SLC13A1: variants seen among roughly 807,000 people sequenced by gnomAD.
SLC13A1 encodes the protein Na(+)/sulfate cotransporter.
Under a neutral mutation model 70.0 loss-of-function variants are expected in SLC13A1, and 65 were observed. The ratio of observed to expected loss-of-function variants is 0.93; its 90% CI spans 0.76 to 1.14. The LOEUF is 1.14. SLC13A1 is among the 50% of genes most tolerant of loss of function. SLC13A1 has a pLI of 0.00. For missense variants in SLC13A1, 726 were observed against 717.8 expected, an observed-to-expected ratio of 1.01 and a Z score of -0.13; for synonymous variants, 275 against 250.5, an observed-to-expected ratio of 1.10 and a Z score of -0.92.
intron 6 of SLC13A1, among the ~76,000 whole-genome samples, chr7:123,165,339 C>T (rs1334661858): frequency 6.6e-6 from 1 of 152,054 alleles, no homozygotes; most frequent in Non-Finnish European, 1.5e-5. Flanking sequence ...CATTCAAAAG[C>T]CTCGCTTTCC....
At chr7:123,116,028 T>G (rs1358127967) in intron 14 of SLC13A1, among the ~76,000 whole-genome samples, 1 of 152,234 alleles carries the variant, frequency 6.6e-6, no homozygotes, top group Non-Finnish European at 1.5e-5. Flanking sequence ...CCCTTAGAAA[T>G]CTGCCATTTC....
chr7:123,199,905 G>C lies in SLC13A1; in HGVS notation c.42C>G (p.Leu14=), dbSNP rs564089625. 6.2e-7 allele frequency: 1 copy of C among 1,613,154 alleles called. No homozygotes were observed. Among genetic ancestry groups the C allele is most frequent in the South Asian group, 1.1e-5 (1 of 91,054 alleles). Residue 14 remains leucine, a synonymous_variant, in exon 1 of 15, where the codon CTC becomes CTG. Transcript: ENST00000194130. ...FSYILVYRRF[L]FVVFTVLVLL... ...AAACCAACACAGTGAAAACCACGAAGAGAAATCGGCGATAAACCAGAATGT... is the reference window on the plus strand; with the variant it reads ...AAACCAACACAGTGAAAACCACGAACAGAAATCGGCGATAAACCAGAATGT...
At chr7:123,156,456 T>A (rs1794719288) in intron 6 of SLC13A1, among the ~76,000 whole-genome samples, 1 of 152,100 alleles carries the variant, frequency 6.6e-6, no homozygotes, top group Non-Finnish European at 1.5e-5. Flanking sequence ...GTGGTCCATA[T>A]GTTGGTAGAT....
intron 14 of SLC13A1, 118 bp downstream of exon 14, chr7:123,117,353 G>T (rs1239933150): frequency 2.0e-6 from 2 of 1,004,432 alleles, no homozygotes; most frequent in African/African-American, 1.6e-5. Context: ...TTCATAAACA[G>T]AATTCAGGCC....
At chr7:123,143,624 T>G (rs1794237080) in intron 7 of SLC13A1, among the ~76,000 whole-genome samples, 1 of 152,158 alleles carries the variant, frequency 6.6e-6, no homozygotes, top group African/African-American at 2.4e-5. Flanking sequence ...CATCTGTGAT[T>G]TTACACTGTT....
chr7:123,163,388 C>A (rs1479977969), intron 6 of SLC13A1, among the ~76,000 whole-genome samples: 1 of 151,966 alleles, frequency 6.6e-6, no homozygotes. Context: ...GGGCCATGGC[C>A]TATAGTGAGA....
chr7:123,142,039 T>G (rs1585320147), intron 7 of SLC13A1, among the ~76,000 whole-genome samples: 2 of 152,174 alleles, frequency 1.3e-5, no homozygotes, highest in African/African-American at 4.8e-5. Flanking sequence ...AGGAAGCTTT[T>G]AGTGAAGGTG....
rs1024103519 is a variant in SLC13A1 at position 123,114,865 on chromosome 7, T to C, written c.*653A>G. 9 of 152,332 alleles carry C rather than the reference T, an allele frequency of 5.9e-5. No individual in the cohort carries two copies. Among genetic ancestry groups the C allele is most frequent in the African/African-American group, 2.2e-4 (9 of 41,590 alleles). The allele number at this position is 152,332 out of a possible 1,614,324, so 9.4% of individuals were successfully genotyped here. ...ACTATAGAGTTCAGTAGAAATAAAT[T>C]CTTATCTGTAACTTTTCTGTTATTT... On this transcript the variant is annotated 3_prime_UTR_variant, in exon 15 of 15. Transcript: ENST00000194130.
chr7:123,155,975 T>C (rs759265309), intron 6 of SLC13A1, among the ~76,000 whole-genome samples: 9 of 152,212 alleles, frequency 5.9e-5, no homozygotes, highest in Non-Finnish European at 7.4e-5. Context: ...AGATCATATT[T>C]CTGTTTGGTG....
rs531563381 is a variant in SLC13A1 at position 123,115,339 on chromosome 7, T to C, written c.*179A>G. 2 of 513,626 alleles carry C rather than the reference T, an allele frequency of 3.9e-6. No individual in the cohort carries two copies. The highest frequency in any genetic ancestry group is 6.7e-6 in the Non-Finnish European group (2 of 300,168). The allele number at this position is 513,626 out of a possible 1,614,324, so 31.8% of individuals were successfully genotyped here. ...GCACATAGATGCTCTTTAGTTGCAC[T>C]GCAATAACAAATATGGACTCTGAGT... On this transcript the variant is annotated 3_prime_UTR_variant, in exon 15 of 15. Coordinates refer to ENST00000194130, the MANE Select transcript of SLC13A1 (RefSeq NM_022444.4).
intron 1 of SLC13A1, among the ~76,000 whole-genome samples, chr7:123,198,357 C>G (rs1332773414): frequency 2.0e-5 from 3 of 151,928 alleles, no homozygotes. Flanking sequence ...AAAACAAAAC[C>G]AACAAAGCCA....
chr7:123,123,239 C>A lies in SLC13A1; in HGVS notation c.1241-4G>T. 1.3e-6 allele frequency: 2 copies of A among 1,583,770 alleles called. No homozygotes were observed. The highest frequency in any genetic ancestry group is 2.2e-5 in the East Asian group (1 of 44,708). On this transcript the variant is annotated splice_polypyrimidine_tract_variant and splice_region_variant and intron_variant, in intron 11 of 14. Transcript: ENST00000194130. ...AGTGGAGAGTAATCAAAAGCAACTGCAAAACAAAAATCCTACAGTTACACA... is the reference window on the plus strand; with the variant it reads ...AGTGGAGAGTAATCAAAAGCAACTGAAAAACAAAAATCCTACAGTTACACA...
At chr7:123,189,769 T>C (rs746896460) in intron 1 of SLC13A1, among the ~76,000 whole-genome samples, 1 of 152,046 alleles carries the variant, frequency 6.6e-6, no homozygotes, top group Non-Finnish European at 1.5e-5. Flanking sequence ...AAAATTTATC[T>C]AATTACAATC....
At chr7:123,115,880 G>A (rs149335189) in intron 14 of SLC13A1, among the ~76,000 whole-genome samples, 175 of 152,184 alleles carry the variant, frequency 1.1e-3, no homozygotes, top group Non-Finnish European at 1.6e-3. Flanking sequence ...CCATTAACTC[G>A]TCATTTCTTA....
chr7:123,194,187 T>C (rs1404534925), intron 1 of SLC13A1, among the ~76,000 whole-genome samples: 1 of 152,136 alleles, frequency 6.6e-6, no homozygotes, highest in Non-Finnish European at 1.5e-5. Flanking sequence ...AATGTATCCA[T>C]GATGCAATGA....
chr7:123,138,943 T>A (rs1402756466), intron 7 of SLC13A1, among the ~76,000 whole-genome samples: 1 of 152,162 alleles, frequency 6.6e-6, no homozygotes, highest in East Asian at 1.9e-4. Context: ...TGTCCATTTT[T>A]GCTTTGGTTG....
chr7:123,139,020 T>A (rs544540943), intron 7 of SLC13A1, among the ~76,000 whole-genome samples: 3 of 152,094 alleles, frequency 2.0e-5, no homozygotes, highest in African/African-American at 4.8e-5. Context: ...GTTTAACCGA[T>A]GTTTTCTTGT....
intron 1 of SLC13A1, among the ~76,000 whole-genome samples, chr7:123,191,064 C>A (rs1249935885): frequency 6.6e-6 from 1 of 151,866 alleles, no homozygotes; most frequent in African/African-American, 2.4e-5. Flanking sequence ...TGAGTGGTAG[C>A]TTTATTCTTG....
chr7:123,134,559 G>A (rs757215581), intron 7 of SLC13A1, 30 bp from the exon 8 acceptor site: 1 of 1,603,760 alleles, frequency 6.2e-7, no homozygotes, highest in Non-Finnish European at 8.5e-7. Context: ...CGTGTTCAGG[G>A]ATGGAGAGAC....
Sources: gnomAD v4.1 joint callset for allele counts (sites outside exome capture counted in the v4.1 genomes callset) on GRCh38, gnomAD v4.1.1 for gene constraint, MANE v1.5 for transcripts, NCBI Gene and HGNC (gene_info 2026-07-23, HGNC 2026-07-21) for gene names.